Variants in ADAMTSL1 observed in about 807,000 individuals in gnomAD.
ADAMTSL1 encodes ADAMTS-like protein 1.
A neutral mutation model predicts 201.8 loss-of-function variants in ADAMTSL1; 126 were observed. The ratio of observed to expected loss-of-function variants is 0.62; its 90% confidence interval spans 0.54 to 0.72. The LOEUF is 0.72. Among genes scored for constraint, ADAMTSL1 ranks in the 30% least tolerant of loss-of-function variants. The pLI is 0.00. For synonymous variants in ADAMTSL1, 1,121 were observed against 903.4 expected (o/e 1.24, Z -4.32); for missense variants, 2,679 against 2,277.8 (o/e 1.18, Z -3.59).
intron 1 of ADAMTSL1, among the ~76,000 whole-genome samples, chr9:18,150,740 C>A (rs756376210): frequency 2.6e-5 from 4 of 151,558 alleles, no homozygotes; most frequent in Admixed American, 2.0e-4. Flanking sequence ...GAATGAGATC[C>A]CTTTGGGGAC....
intron 1 of ADAMTSL1, among the ~76,000 whole-genome samples, chr9:18,062,592 G>A (rs986085944): frequency 6.6e-6 from 1 of 152,138 alleles, no homozygotes; most frequent in East Asian, 1.9e-4. Flanking sequence ...TTAGAAATAA[G>A]AGGAATAAGA....
At chr9:17,920,722 T>G (rs2131291801) in intron 1 of ADAMTSL1, among the ~76,000 whole-genome samples, 1 of 152,326 alleles carries the variant, frequency 6.6e-6, no homozygotes, top group South Asian at 2.1e-4. Flanking sequence ...GTCGGCAAAC[T>G]TTTTCTGTAA....
intron 2 of ADAMTSL1, among the ~76,000 whole-genome samples, chr9:18,365,367 G>A (rs975168551): frequency 5.3e-5 from 8 of 152,254 alleles, no homozygotes; most frequent in African/African-American, 1.9e-4. Flanking sequence ...CTTTAGAGAT[G>A]CATTCATATG....
At chr9:18,258,639 G>T (rs1479375729) in intron 2 of ADAMTSL1, among the ~76,000 whole-genome samples, 2 of 152,116 alleles carry the variant, frequency 1.3e-5, no homozygotes, top group African/African-American at 4.8e-5. Flanking sequence ...GACCCTCATG[G>T]CACCAGGATC....
At chr9:18,665,927 C>G (rs1360157409) in intron 9 of ADAMTSL1, among the ~76,000 whole-genome samples, 1 of 152,080 alleles carries the variant, frequency 6.6e-6, no homozygotes, top group Non-Finnish European at 1.5e-5. Context: ...CCCCAATGCC[C>G]GCAGATAACC....
At chr9:18,851,737 A>T (rs951327046) in intron 23 of ADAMTSL1, among the ~76,000 whole-genome samples, 3 of 152,166 alleles carry the variant, frequency 2.0e-5, no homozygotes, top group African/African-American at 7.2e-5. Context: ...GGGAAGGGCC[A>T]CGTGTATAGT....
rs746639013 is a variant in ADAMTSL1 at position 18,905,909 on chromosome 9, A to G, written c.4961+18A>G. ...CTTCCGAGGTAAGAGAAAGCCCTGA[A>G]TCTCCTTTTCCCAGCCCCATGTCAA... On this transcript the variant is annotated intron_variant, in intron 27 of 28. Coordinates refer to ENST00000380548, the MANE Select transcript of ADAMTSL1 (RefSeq NM_001040272.6). The G allele has an allele frequency of 1.8e-5, 29 of 1,581,080 alleles. No individual in the cohort carries two copies. Among genetic ancestry groups the G allele is most frequent in the Non-Finnish European group, 2.3e-5 (27 of 1,157,258 alleles).
intron 14 of ADAMTSL1, among the ~76,000 whole-genome samples, chr9:18,709,094 T>A (rs1018001947): frequency 2.0e-5 from 3 of 152,214 alleles, no homozygotes; most frequent in Non-Finnish European, 4.4e-5. Flanking sequence ...GGTCTTTAAA[T>A]GTCAACAACT....
At chr9:18,440,065 C>T (rs1374711222) in intron 2 of ADAMTSL1, among the ~76,000 whole-genome samples, 1 of 152,238 alleles carries the variant, frequency 6.6e-6, no homozygotes, top group Admixed American at 6.5e-5. Context: ...TAGCTAACCA[C>T]TGCAGACCCT....
chr9:18,482,664 G>T (rs1050299908), intron 1 of ADAMTSL1, among the ~76,000 whole-genome samples: 4 of 152,162 alleles, frequency 2.6e-5, no homozygotes, highest in African/African-American at 9.7e-5. Flanking sequence ...CCATAGTAAG[G>T]TATGGTAGGG....
chr9:18,702,907 T>A (rs1435148733), intron 13 of ADAMTSL1, among the ~76,000 whole-genome samples: 1 of 151,930 alleles, frequency 6.6e-6, no homozygotes, highest in Non-Finnish European at 1.5e-5. Flanking sequence ...GGATTACAGG[T>A]GCCTGCCACC....
In ADAMTSL1 at chr9:18,646,762, T is replaced by A. The variant is rs1749420577; in HGVS notation, c.834+7351T>A. On this transcript the variant is annotated intron_variant, in intron 7 of 28. Coordinates refer to ENST00000380548, the MANE Select transcript of ADAMTSL1 (RefSeq NM_001040272.6). ...AGCCCACTTGATCATGGTGGATAAC[T>A]TTTTGATGTGCTGCTGGATTCGGTT... Among the ~76,000 whole-genome samples the A allele has an allele frequency of 2.0e-5, 3 of 152,182 alleles. No individual in the cohort carries two copies. The South Asian group carries it at 6.2e-4, about 32-fold the overall frequency.
intron 23 of ADAMTSL1, among the ~76,000 whole-genome samples, chr9:18,864,772 C>G (rs1156582752): frequency 2.0e-5 from 3 of 152,174 alleles, no homozygotes; most frequent in African/African-American, 7.2e-5. Context: ...TGGGAAAAAG[C>G]AAGGATGTCA....
chr9:18,366,896 C>G (rs1042202550), intron 2 of ADAMTSL1, among the ~76,000 whole-genome samples: 1 of 152,012 alleles, frequency 6.6e-6, no homozygotes, highest in Non-Finnish European at 1.5e-5. Flanking sequence ...GCATGAGCCG[C>G]CACATGCAGC....
chr9:17,968,366 A>C (rs953484825), intron 1 of ADAMTSL1, among the ~76,000 whole-genome samples: 1 of 152,138 alleles, frequency 6.6e-6, no homozygotes, highest in East Asian at 1.9e-4. Context: ...CTGAGGGAAT[A>C]GTATGAGAAC....
At chr9:18,097,288 A>T (rs1824294244) in intron 1 of ADAMTSL1, among the ~76,000 whole-genome samples, 2 of 152,212 alleles carry the variant, frequency 1.3e-5, no homozygotes, top group Admixed American at 6.5e-5. Context: ...CATATATTAC[A>T]ATTTGTTGAT....
intron 2 of ADAMTSL1, among the ~76,000 whole-genome samples, chr9:18,333,726 GA>G (rs982703378): frequency 5.3e-5 from 8 of 151,862 alleles, no homozygotes; most frequent in African/African-American, 1.9e-4. Context: ...TCCATTATAA[GA>G]AAAAAACAAA....
intron 2 of ADAMTSL1, among the ~76,000 whole-genome samples, chr9:18,205,947 G>T (rs1050884732): frequency 1.3e-5 from 2 of 150,600 alleles, no homozygotes; most frequent in African/African-American, 4.9e-5. Flanking sequence ...CCAGCTACTT[G>T]GGAGGCTGAG....
chr9:18,337,700 G>A (rs78412096), intron 2 of ADAMTSL1, among the ~76,000 whole-genome samples: 12,408 of 152,146 alleles, frequency 0.082, 694 homozygotes, highest in Non-Finnish European at 0.12. Context: ...TCACCTCATA[G>A]GCTAAATGTA....
Sources: allele counts gnomAD v4.1 joint callset (sites outside exome capture counted in the v4.1 genomes callset), GRCh38; gene constraint gnomAD v4.1.1; transcripts MANE v1.5; gene names NCBI Gene and HGNC (gene_info 2026-07-23, HGNC 2026-07-21).